MRTFA: variants seen among roughly 807,000 people sequenced by gnomAD.
MRTFA encodes myocardin related transcription factor A, also known as myocardin-related transcription factor A.
A neutral mutation model predicts 83.5 loss-of-function variants in MRTFA; 20 were observed. That is an observed-to-expected ratio of 0.24 (90% confidence interval 0.17 to 0.35). The LOEUF (loss-of-function observed/expected upper bound fraction) is 0.35, where lower values mean the gene tolerates loss of function less well. Ranked by LOEUF, MRTFA falls within the 10% of genes least tolerant of loss-of-function variation. The probability of loss-of-function intolerance (pLI) is 1.00; values close to 1 mark genes in which losing one functional copy is unlikely to be tolerated. For synonymous variants in MRTFA, 659 were observed against 541.2 expected, an observed-to-expected ratio of 1.22 and a Z score of -3.02; for missense variants, 1,200 against 1,224.7, an observed-to-expected ratio of 0.98 and a Z score of 0.30.
chr22:40,442,711 G>C (rs1001912121), intron 4 of MRTFA, among the ~76,000 whole-genome samples: 2 of 152,158 alleles, frequency 1.3e-5, no homozygotes, highest in Admixed American at 6.6e-5. Flanking sequence ...TTAAGGTGCT[G>C]TAAAGGACAA....
At chr22:40,489,406 G>A (rs1450144257) in intron 3 of MRTFA, among the ~76,000 whole-genome samples, 1 of 151,484 alleles carries the variant, frequency 6.6e-6, no homozygotes, top group Non-Finnish European at 1.5e-5. Flanking sequence ...CTGGAGTGCA[G>A]TGTCGTGAAC....
At chr22:40,467,256 G>A (rs2053826079) in intron 3 of MRTFA, among the ~76,000 whole-genome samples, 1 of 152,076 alleles carries the variant, frequency 6.6e-6, no homozygotes, top group Non-Finnish European at 1.5e-5. Flanking sequence ...ACCTTCAATG[G>A]TTACAAAGAG....
intron 3 of MRTFA, among the ~76,000 whole-genome samples, chr22:40,526,999 C>T (rs780256855): frequency 2.6e-5 from 4 of 151,762 alleles, no homozygotes; most frequent in South Asian, 2.1e-4. Context: ...CAGCGGTACA[C>T]GCCTGTGGTC....
rs546465190 is a variant in MRTFA, at chr22:40,544,958, A to AAT, written c.241+7146_241+7147dup. On this transcript the variant is annotated intron_variant, in intron 3 of 14. Transcript: ENST00000355630. Reference sequence around the variant, plus strand: ...AATAAATAAATAAATAAATAAAATAAATATATATATATACACATAAAATAA... The same window carrying AAT: ...AATAAATAAATAAATAAATAAAATAAATATATATATATATACACATAAAATAA... Among the ~76,000 whole-genome samples the AAT allele has an allele frequency of 5.6e-3, 845 of 149,928 alleles. 9 individuals are homozygous for AAT. The highest frequency in any genetic ancestry group is 0.025 in the Middle Eastern group (7 of 282).
At chr22:40,430,376 G>A (rs1301578798) in intron 6 of MRTFA, among the ~76,000 whole-genome samples, 1 of 151,752 alleles carries the variant, frequency 6.6e-6, no homozygotes, top group Non-Finnish European at 1.5e-5. Flanking sequence ...TAGTCCCAGC[G>A]ACTCGGAAGG....
At chr22:40,474,183 C>CA (rs1407885557) in intron 3 of MRTFA, among the ~76,000 whole-genome samples, 1 of 152,142 alleles carries the variant, frequency 6.6e-6, no homozygotes, top group African/African-American at 2.4e-5. Flanking sequence ...GTACTAGATA[C>CA]ACCTATGATC....
intron 4 of MRTFA, among the ~76,000 whole-genome samples, chr22:40,437,210 A>G (rs941571199): frequency 6.6e-6 from 1 of 152,084 alleles, no homozygotes. Context: ...GGTCGTGGGC[A>G]TTTCAGTGGG....
intron 1 of MRTFA, among the ~76,000 whole-genome samples, chr22:40,597,019 A>C (rs2056201456): frequency 6.6e-6 from 1 of 151,646 alleles, no homozygotes; most frequent in Admixed American, 6.6e-5. Flanking sequence ...TCTCTCCTCC[A>C]TGCTCTCATG....
intron 3 of MRTFA, among the ~76,000 whole-genome samples, chr22:40,473,973 T>A (rs1407800809): frequency 6.6e-6 from 1 of 152,206 alleles, no homozygotes; most frequent in Non-Finnish European, 1.5e-5. Context: ...CCTGGGTTAC[T>A]TTCCAGCATC....
At chr22:40,564,105 G>C (rs951294510) in intron 2 of MRTFA, among the ~76,000 whole-genome samples, 1 of 152,186 alleles carries the variant, frequency 6.6e-6, no homozygotes, top group African/African-American at 2.4e-5. Context: ...ATGTGTTTCT[G>C]TTTGATTGTT....
chr22:40,505,232 T>C (rs1369721402), intron 3 of MRTFA, among the ~76,000 whole-genome samples: 1 of 152,220 alleles, frequency 6.6e-6, no homozygotes, highest in East Asian at 1.9e-4. Flanking sequence ...CTGCTAACGA[T>C]AACATCTAGA....
At chr22:40,612,586 T>C (rs2056399413) in intron 1 of MRTFA, among the ~76,000 whole-genome samples, 2 of 152,234 alleles carry the variant, frequency 1.3e-5, no homozygotes, top group South Asian at 2.1e-4. Flanking sequence ...ACATTTTGAG[T>C]GTACAGTTTC....
intron 2 of MRTFA, among the ~76,000 whole-genome samples, chr22:40,579,984 TAATC>T (rs1368467245): frequency 6.6e-6 from 1 of 152,150 alleles, no homozygotes; most frequent in Non-Finnish European, 1.5e-5. Context: ...ATTACTGTGT[TAATC>T]AAGCACTTTT....
intron 4 of MRTFA, among the ~76,000 whole-genome samples, chr22:40,446,005 T>C (rs1025009407): frequency 6.6e-6 from 1 of 152,232 alleles, no homozygotes; most frequent in Non-Finnish European, 1.5e-5. Context: ...TGCTTCCTCA[T>C]GATTAGATTT....
chr22:40,566,132 G>A (rs980846388), intron 2 of MRTFA, among the ~76,000 whole-genome samples: 4 of 152,148 alleles, frequency 2.6e-5, no homozygotes, highest in Non-Finnish European at 4.4e-5. Context: ...TGAATGGCAT[G>A]GCCCGAGAGG....
At chr22:40,541,810 G>A (rs2055295418) in intron 3 of MRTFA, among the ~76,000 whole-genome samples, 1 of 151,716 alleles carries the variant, frequency 6.6e-6, no homozygotes, top group African/African-American at 2.4e-5. Flanking sequence ...GGGATTACAG[G>A]TGCCTGCCAC....
At chr22:40,495,042 T>A (rs1210433229) in intron 3 of MRTFA, among the ~76,000 whole-genome samples, 5 of 152,128 alleles carry the variant, frequency 3.3e-5, no homozygotes, top group South Asian at 4.1e-4. Flanking sequence ...CTTTTTTTTT[T>A]TTAAAAAAGC....
At chr22:40,457,436 G>GAGAAAGAAAGAAAGAGAAAGAAAGAA (rs2053606830) in intron 4 of MRTFA, among the ~76,000 whole-genome samples, 1 of 119,818 alleles carries the variant, frequency 8.3e-6, no homozygotes, top group Non-Finnish European at 1.7e-5. Context: ...AAGAAAGAAA[G>GAGAAAGAAAGAAAGAGAAAGAAAGAA]AGAAAGAAAG....
intron 4 of MRTFA, among the ~76,000 whole-genome samples, chr22:40,457,166 AC>A (rs1193444920): frequency 1.3e-5 from 2 of 152,122 alleles, no homozygotes; most frequent in Admixed American, 6.6e-5. Flanking sequence ...GGAGTTCAAG[AC>A]CAGCCTGGCC....
Sources: allele counts gnomAD v4.1 joint callset (sites outside exome capture counted in the v4.1 genomes callset), GRCh38; gene constraint gnomAD v4.1.1; transcripts MANE v1.5; gene names NCBI Gene and HGNC (gene_info 2026-07-23, HGNC 2026-07-21).